The following KAZN variants were observed in gnomAD, a reference collection of about 807,000 sequenced individuals.
KAZN encodes the protein kazrin.
Under a neutral mutation model 87.4 loss-of-function variants are expected in KAZN, and 40 were observed. The ratio of observed to expected loss-of-function variants is 0.46; its 90% CI spans 0.36 to 0.60. The LOEUF is 0.60. KAZN is among the 20% of genes least tolerant of loss of function. The pLI is 0.00. For missense variants in KAZN, 898 were observed against 1,073.9 expected (o/e 0.84, Z 2.29); for synonymous variants, 466 against 458.3 (o/e 1.02, Z -0.22).
At chr1:14,853,835 G>A (rs540078254) in intron 1 of KAZN, among the ~76,000 whole-genome samples, 18 of 152,276 alleles carry the variant, frequency 1.2e-4, no homozygotes, top group South Asian at 2.1e-4. Flanking sequence ...AAGAGCTCCC[G>A]TGGGGGCCGA....
intron 2 of KAZN, among the ~76,000 whole-genome samples, chr1:14,200,579 G>A (rs1296978797): frequency 2.6e-5 from 4 of 152,152 alleles, no homozygotes; most frequent in Non-Finnish European, 4.4e-5. Context: ...TATGTTATTT[G>A]TAATATATTG....
intron 1 of KAZN, among the ~76,000 whole-genome samples, chr1:14,789,294 A>G (rs1258834714): frequency 6.8e-6 from 1 of 146,968 alleles, no homozygotes; most frequent in African/African-American, 2.6e-5. Context: ...GGAAGAACAC[A>G]TGTGATTAAG....
In KAZN at chr1:14,393,348, A is replaced by G. The variant is rs138396013; in HGVS notation, c.250-205635A>G. Among the ~76,000 whole-genome samples the G allele has an allele frequency of 3.3e-5, 5 of 152,312 alleles. No individual in the cohort carries two copies. The East Asian group carries it at 9.6e-4, about 29-fold the overall frequency. On this transcript the variant is annotated intron_variant, in intron 2 of 16. Coordinates refer to the KAZN transcript ENST00000636203. Reference sequence around the variant, plus strand: ...ACCAAATAATAGATGCTATATTGCTATTATCATCATGATTATCAGTATGTA... The same window carrying G: ...ACCAAATAATAGATGCTATATTGCTGTTATCATCATGATTATCAGTATGTA...
intron 1 of KAZN, among the ~76,000 whole-genome samples, chr1:14,711,434 TTTCTC>T (rs1184948040): frequency 1.3e-5 from 2 of 152,060 alleles, no homozygotes; most frequent in African/African-American, 4.8e-5. Context: ...TGACAGTTGA[TTTCTC>T]TGGGAGAAGA....
intron 2 of KAZN, among the ~76,000 whole-genome samples, chr1:14,999,234 G>A (rs1179365705): frequency 6.6e-6 from 1 of 152,204 alleles, no homozygotes; most frequent in Non-Finnish European, 1.5e-5. Context: ...GAAGTAGAAA[G>A]GACACTGGTC....
Position 13,917,016 on chromosome 1 carries a change from C to T in KAZN, c.91+23260C>T, listed in dbSNP as rs148757562. 1.3e-4 allele frequency among the ~76,000 whole-genome samples: 20 copies of T among 151,584 alleles called. No homozygotes were observed. In the East Asian group the frequency reaches 4.0e-3, roughly 30 times the overall value. ...AACTAGTCTTGATTTCTATTTGATTCGATTAGAAGAATTCTCTGTATGCCA... is the reference window on the plus strand; with the variant it reads ...AACTAGTCTTGATTTCTATTTGATTTGATTAGAAGAATTCTCTGTATGCCA... On this transcript the variant is annotated intron_variant, in intron 1 of 16. Transcript: ENST00000636203.
At chr1:14,606,087 A>G (rs1484085239) in intron 1 of KAZN, among the ~76,000 whole-genome samples, 4 of 152,378 alleles carry the variant, frequency 2.6e-5, no homozygotes, top group African/African-American at 9.6e-5. Flanking sequence ...ATGGTCAGGA[A>G]GTGACCAAGC....
intron 3 of KAZN, among the ~76,000 whole-genome samples, chr1:15,041,699 C>T (rs1672950715): frequency 6.6e-6 from 1 of 152,090 alleles, no homozygotes; most frequent in Admixed American, 6.5e-5. Flanking sequence ...CCTCAGCTCC[C>T]AGGCCTGTCA....
chr1:14,132,974 T>C (rs1645022143), intron 1 of KAZN, among the ~76,000 whole-genome samples: 1 of 152,140 alleles, frequency 6.6e-6, no homozygotes. Context: ...TTCATCACAG[T>C]AAGGATAGAT....
rs116149158 is a variant in KAZN at position 13,914,814 on chromosome 1, G to A, written c.91+21058G>A. ...GAGTGAACTTGAATGGCAGGTGGCT[G>A]CAATGGGAACCTCAGTGAGACAGCT... On this transcript the variant is annotated intron_variant, in intron 1 of 16. Coordinates refer to the KAZN transcript ENST00000636203. Among the ~76,000 whole-genome samples, 1,167 of 152,314 alleles carry A rather than the reference G, an allele frequency of 7.7e-3. 14 individuals are homozygous for A. The highest frequency in any genetic ancestry group is 0.026 in the African/African-American group (1,069 of 41,564).
chr1:14,023,920 C>T (rs559151882), intron 1 of KAZN, among the ~76,000 whole-genome samples: 4 of 152,266 alleles, frequency 2.6e-5, no homozygotes, highest in African/African-American at 7.2e-5. Flanking sequence ...AGAGGTTCAC[C>T]AGACCCAGCT....
intron 2 of KAZN, among the ~76,000 whole-genome samples, chr1:14,314,844 C>T (rs1453291240): frequency 6.6e-6 from 1 of 152,064 alleles, no homozygotes; most frequent in Non-Finnish European, 1.5e-5. Flanking sequence ...CTCCCTTCTC[C>T]CCAGTCCCTG....
chr1:14,647,558 G>T (rs1438694199), intron 1 of KAZN, among the ~76,000 whole-genome samples: 1 of 152,154 alleles, frequency 6.6e-6, no homozygotes, highest in Non-Finnish European at 1.5e-5. Context: ...CTCTGGGCTG[G>T]TAAGTAAATG....
chr1:14,916,458 G>A (rs1444238635), intron 1 of KAZN, among the ~76,000 whole-genome samples: 1 of 152,146 alleles, frequency 6.6e-6, no homozygotes, highest in African/African-American at 2.4e-5. Flanking sequence ...GATTACAGGC[G>A]TGAGCCACCA....
chr1:14,372,166 G>A (rs1224855387), intron 2 of KAZN, among the ~76,000 whole-genome samples: 2 of 152,198 alleles, frequency 1.3e-5, no homozygotes, highest in African/African-American at 2.4e-5. Flanking sequence ...ATCAAAGATT[G>A]TTAACTGTTT....
At chr1:14,977,140 G>A (rs920572037) in intron 2 of KAZN, among the ~76,000 whole-genome samples, 2 of 152,238 alleles carry the variant, frequency 1.3e-5, no homozygotes, top group African/African-American at 2.4e-5. Flanking sequence ...CCTCGGGGCG[G>A]TGATTCCCCT....
chr1:14,038,323 T>C (rs1441346304), intron 1 of KAZN, among the ~76,000 whole-genome samples: 1 of 152,068 alleles, frequency 6.6e-6, no homozygotes, highest in Admixed American at 6.6e-5. Flanking sequence ...AAGTTAACCC[T>C]TGAGGGATGA....
chr1:14,276,577 G>T (rs989551625), intron 2 of KAZN, among the ~76,000 whole-genome samples: 5 of 152,066 alleles, frequency 3.3e-5, no homozygotes, highest in African/African-American at 4.8e-5. Context: ...GCAGCTTCAG[G>T]CATTCCTCGA....
intron 1 of KAZN, among the ~76,000 whole-genome samples, chr1:13,960,556 C>T (rs190159973): frequency 2.0e-5 from 3 of 152,274 alleles, no homozygotes; most frequent in African/African-American, 4.8e-5. Flanking sequence ...TGGAACGCTA[C>T]GTGCAGCCAC....
Sources: allele counts gnomAD v4.1 joint callset (sites outside exome capture counted in the v4.1 genomes callset), GRCh38; gene constraint gnomAD v4.1.1; transcripts MANE v1.5; gene names NCBI Gene and HGNC (gene_info 2026-07-23, HGNC 2026-07-21).